The following PNPLA8 variants were observed in gnomAD, a reference collection of about 807,000 sequenced individuals.
PNPLA8 encodes patatin like domain 8, phospholipase A2.
PNPLA8 carries 39 observed loss-of-function variants against 76.9 expected under a neutral mutation model. That is an observed-to-expected ratio of 0.51 (90% CI 0.39 to 0.66). The LOEUF (loss-of-function observed/expected upper bound fraction) is 0.66, where lower values mean the gene tolerates loss of function less well. Ranked by LOEUF, PNPLA8 falls within the 30% of genes least tolerant of loss-of-function variation. The probability of loss-of-function intolerance (pLI) is 0.00; values close to 1 mark genes in which losing one functional copy is unlikely to be tolerated. For synonymous variants in PNPLA8, 301 were observed against 307.9 expected (o/e 0.98, Z 0.24); for missense variants, 887 against 918.0 (o/e 0.97, Z 0.44).
intron 9 of PNPLA8, among the ~76,000 whole-genome samples, chr7:108,481,415 G>A (rs1342718440): frequency 6.6e-6 from 1 of 152,124 alleles, no homozygotes; most frequent in African/African-American, 2.4e-5. Flanking sequence ...CAGATATGTG[G>A]TGGCATTTCA....
chr7:108,502,430 G>A, intron 5 of PNPLA8, 61 bp downstream of exon 5: 1 of 1,377,914 alleles, frequency 7.3e-7, no homozygotes, highest in African/African-American at 1.8e-5. Flanking sequence ...GCAACAGAGG[G>A]AAACTCCATC....
intron 9 of PNPLA8, among the ~76,000 whole-genome samples, chr7:108,482,925 T>C (rs1019531750): frequency 3.3e-5 from 5 of 152,240 alleles, no homozygotes; most frequent in Admixed American, 1.3e-4. Context: ...GAACATCATG[T>C]AGGATTTTGC....
chr7:108,492,475 C>T (rs1861251952), intron 7 of PNPLA8, among the ~76,000 whole-genome samples: 1 of 151,996 alleles, frequency 6.6e-6, no homozygotes, highest in Non-Finnish European at 1.5e-5. Context: ...CACTTTTTGG[C>T]AAAGTTCATA....
At chr7:108,494,511 G>C (rs1449143010) in intron 7 of PNPLA8, among the ~76,000 whole-genome samples, 3 of 152,160 alleles carry the variant, frequency 2.0e-5, no homozygotes, top group Admixed American at 6.6e-5. Flanking sequence ...ATGGCCTCCA[G>C]CTCCAACCAC....
chr7:108,473,363 C>T (rs1332636308), intron 10 of PNPLA8, among the ~76,000 whole-genome samples: 1 of 152,084 alleles, frequency 6.6e-6, no homozygotes, highest in African/African-American at 2.4e-5. Context: ...CTAGAAATAA[C>T]CCGATTATAA....
intron 2 of PNPLA8, among the ~76,000 whole-genome samples, chr7:108,518,762 C>T (rs1392556320): frequency 7.9e-4 from 113 of 143,660 alleles, no homozygotes; most frequent in Admixed American, 2.0e-3. Context: ...TATATATACA[C>T]ACACACACAC....
chr7:108,472,498 AT>A lies in PNPLA8; in HGVS notation c.2251del (p.Ile751TyrfsTer2). The A allele has an allele frequency of 6.2e-7, 1 of 1,609,654 alleles. No individual in the cohort carries two copies. Among genetic ancestry groups the A allele is most frequent in the Non-Finnish European group, 8.5e-7 (1 of 1,178,380 alleles). On this transcript the variant is annotated frameshift_variant, in exon 11 of 11. Coordinates refer to ENST00000257694, the MANE Select transcript of PNPLA8 (RefSeq NM_001256007.3). LOFTEE classifies it high-confidence loss of function. ...CAGAGTTGTTTTTTCTTGACTTAAT[AT>A]TTTTGCAACTTTTTTCATTTTTTGT... ...NEQKMKKVAKILSQEKTTLQK... is the reference protein window; with the variant it reads ...NEQKMKKVAKXLSQEKTTLQK...
chr7:108,515,171 A>C lies in PNPLA8; in HGVS notation c.321T>G (p.Thr107=). The C allele has an allele frequency of 6.2e-7, 1 of 1,607,768 alleles. No homozygotes were observed. Residue 107 remains threonine (T), a synonymous_variant, in exon 3 of 11, where the codon ACT becomes ACG. Transcript: ENST00000257694. ...VNICMSRIKS[T]LNSVSKAVFG... ...AAACAGCCTTTGAAACAGAGTTCAA[A>C]GTACTTTTAATACGGGACATACAAA...
rs900260748 is a variant in PNPLA8, at chr7:108,497,756, T to C, written c.1359-179A>G. ...AAATTTTTAGTATTACTTTTGAAAA[T>C]CTAATATCTAAATGATAAAAAAACC... On this transcript the variant is annotated intron_variant, in intron 5 of 10. Transcript: ENST00000257694. Among the ~76,000 whole-genome samples, 3 of 150,464 alleles carry C rather than the reference T, an allele frequency of 2.0e-5. No homozygotes were observed. The Admixed American group carries it at 2.0e-4, about 10-fold the overall frequency.
intron 8 of PNPLA8, among the ~76,000 whole-genome samples, chr7:108,489,613 G>A (rs1045167074): frequency 6.6e-6 from 1 of 152,170 alleles, no homozygotes; most frequent in African/African-American, 2.4e-5. Flanking sequence ...GCCCTACAGA[G>A]CTGTGAACCC....
At chr7:108,506,499 C>T (rs1460078461) in intron 4 of PNPLA8, among the ~76,000 whole-genome samples, 5 of 152,114 alleles carry the variant, frequency 3.3e-5, no homozygotes, top group Admixed American at 6.5e-5. Flanking sequence ...TATCTACTAA[C>T]GTTACAAATA....
At chr7:108,502,428 G>C (rs1017609165) in intron 5 of PNPLA8, 63 bp downstream of exon 5, 63 of 1,415,120 alleles carry the variant, frequency 4.5e-5, no homozygotes, top group Non-Finnish European at 5.7e-5. Flanking sequence ...GGGCAACAGA[G>C]GGAAACTCCA....
intron 9 of PNPLA8, chr7:108,480,802 C>T (rs1771338888): frequency 3.1e-6 from 1 of 317,902 alleles, no homozygotes; most frequent in Non-Finnish European, 6.6e-6. Context: ...AACTTTAATG[C>T]ATATAGATTT....
At position 108,514,481 on chromosome 7, in the gene PNPLA8, G is replaced by C; in HGVS notation, c.1011C>G (p.Asp337Glu). ...PAKTDQAVSK[D>E]RNAEEKKRLS... is the part of the protein sequence containing the mutation. ...AACGCTTTTTCTCCTCTGCATTTCT[G>C]TCTTTGCTGACAGCCTGATCAGTTT... is the stretch of plus-strand genomic sequence containing the variant. The change falls in exon 3 of 11, where the codon GAC becomes GAG. Residue 337 changes from aspartate to glutamate, a missense_variant. Physicochemically the swap from Asp to Glu is conservative, Grantham distance 45 (BLOSUM62 2). Coordinates refer to ENST00000257694, the MANE Select transcript of PNPLA8 (RefSeq NM_001256007.3). 5.0e-6 allele frequency: 8 copies of C among 1,613,540 alleles called. No individual in the cohort carries two copies. Among genetic ancestry groups the C allele is most frequent in the African/African-American group, 1.3e-5 (1 of 74,984 alleles).
At position 108,515,292 on chromosome 7, in the gene PNPLA8, C is replaced by A; in HGVS notation, c.200G>T (p.Cys67Phe). The stretch of plus-strand genomic sequence containing the variant: ...GCTTGGAGAGTAACAGTGCTTACTG[C>A]AAGAATGTGCTTCACTTTTGGTCCA... ...CKWTKSEAHS[C>F]SKHCYSPSNH... Residue 67 changes from cysteine to phenylalanine, a missense_variant, in exon 3 of 11, where the codon TGC (cysteine) becomes TTC (phenylalanine). By Grantham distance (205) the Cys-to-Phe change is radical. Transcript: ENST00000257694. 1.2e-6 allele frequency: 2 copies of A among 1,610,100 alleles called. No homozygotes were observed. The highest frequency in any genetic ancestry group is 1.3e-5 in the African/African-American group (1 of 74,862).
intron 3 of PNPLA8, 57 bp from the exon 4 acceptor site, chr7:108,514,350 T>C: frequency 6.5e-7 from 1 of 1,540,326 alleles, no homozygotes; most frequent in South Asian, 1.2e-5. Context: ...TAAAGAACAA[T>C]GAAAGTTTCT....
intron 10 of PNPLA8, among the ~76,000 whole-genome samples, chr7:108,476,975 C>T (rs1025499356): frequency 6.6e-6 from 1 of 152,136 alleles, no homozygotes; most frequent in Admixed American, 6.6e-5. Flanking sequence ...GGTTGCCAGA[C>T]ACTGGGGAGT....
Position 108,497,495 on chromosome 7 carries a change from C to A in PNPLA8, c.1441G>T (p.Gly481Cys). The change falls in exon 6 of 11, where the codon GGT (glycine) becomes TGT (cysteine). Residue 481 changes from glycine to cysteine, a missense_variant. Transcript: ENST00000257694. ...TAATAATAATTACCTGTGCTTACAC[C>A]ACAAATGTAATCAAAGAGCTGATGA... ...PVHQLFDYIC[G>C]VSTGAILAFM... 1 of 1,603,858 alleles carries A rather than the reference C, an allele frequency of 6.2e-7. No homozygotes were observed. Among genetic ancestry groups the A allele is most frequent in the Non-Finnish European group, 8.5e-7 (1 of 1,171,952 alleles).
At chr7:108,481,505 C>A (rs930691001) in intron 9 of PNPLA8, among the ~76,000 whole-genome samples, 11 of 152,104 alleles carry the variant, frequency 7.2e-5, no homozygotes, top group African/African-American at 2.4e-4. Flanking sequence ...TCCCTTTATC[C>A]TCTGCTGAAG....
Sources: gnomAD v4.1 joint callset for allele counts (sites outside exome capture counted in the v4.1 genomes callset) on GRCh38, gnomAD v4.1.1 for gene constraint, MANE v1.5 for transcripts, NCBI Gene and HGNC (gene_info 2026-07-23, HGNC 2026-07-21) for gene names.